GRID2: variants seen among roughly 807,000 people sequenced by gnomAD.
The protein encoded by GRID2 is glutamate receptor ionotropic, delta-2.
In GRID2, 33 loss-of-function variants were observed where a neutral mutation model predicts 114.8. That is an observed-to-expected ratio of 0.29 (90% CI 0.22 to 0.38). The LOEUF (loss-of-function observed/expected upper bound fraction) is 0.38. Among genes scored for constraint, GRID2 ranks in the 10% least tolerant of loss-of-function variants. The pLI is 1.00. For synonymous variants in GRID2, 505 were observed against 449.9 expected (o/e 1.12, Z -1.55); for missense variants, 1,184 against 1,257.7 (o/e 0.94, Z 0.89).
intron 1 of GRID2, among the ~76,000 whole-genome samples, chr4:92,458,604 C>T (rs979622587): frequency 6.6e-6 from 1 of 152,106 alleles, no homozygotes; most frequent in Non-Finnish European, 1.5e-5. Context: ...GAACAAACAA[C>T]AAATTTAAAA....
At chr4:93,739,702 T>A (rs1731213417) in intron 14 of GRID2, among the ~76,000 whole-genome samples, 1 of 152,100 alleles carries the variant, frequency 6.6e-6, no homozygotes, top group Non-Finnish European at 1.5e-5. Flanking sequence ...GTAACCAACT[T>A]CCTTCAGTAC....
In GRID2 at chr4:92,878,440, T is replaced by C. The variant is rs76569025; in HGVS notation, c.245-206555T>C. On this transcript the variant is annotated intron_variant, in intron 2 of 15. Transcript: ENST00000282020. Reference sequence around the variant, plus strand: ...TCTTATTGTTTGTTTAGAGTAATATTGGTGTCTGTTATTTGTTGATAAGTC... The same window carrying C: ...TCTTATTGTTTGTTTAGAGTAATATCGGTGTCTGTTATTTGTTGATAAGTC... Among the ~76,000 whole-genome samples, 1,264 of 152,240 alleles carry C rather than the reference T, an allele frequency of 8.3e-3. 18 individuals carry two copies. The highest frequency in any genetic ancestry group is 0.029 in the African/African-American group (1,200 of 41,560).
intron 2 of GRID2, among the ~76,000 whole-genome samples, chr4:92,733,316 C>T (rs189423512): frequency 2.0e-5 from 3 of 152,184 alleles, no homozygotes; most frequent in East Asian, 1.9e-4. Flanking sequence ...TTAACTGGAC[C>T]TTTAAAGCTT....
In GRID2 at chr4:93,494,555, G is replaced by T. The variant is rs114968514; in HGVS notation, c.1997+3778G>T. Among the ~76,000 whole-genome samples, 1,038 of 151,812 alleles carry T rather than the reference G, an allele frequency of 6.8e-3. 12 individuals carry two copies. The highest frequency in any genetic ancestry group is 0.024 in the African/African-American group (975 of 41,476). On this transcript the variant is annotated intron_variant, in intron 12 of 15. Transcript: ENST00000282020. ...TAACTGGCACTTGTTATTAATAAAA[G>T]TTTTGAAAGGGAATTTTCCCTGGAA...
At chr4:92,421,104 G>C (rs748847836) in intron 1 of GRID2, among the ~76,000 whole-genome samples, 25 of 151,994 alleles carry the variant, frequency 1.6e-4, no homozygotes, top group Middle Eastern at 3.4e-3. Context: ...CATATGGCTA[G>C]TTTCCAAATG....
intron 2 of GRID2, among the ~76,000 whole-genome samples, chr4:92,611,959 TC>T (rs1729769539): frequency 6.6e-6 from 1 of 151,562 alleles, no homozygotes; most frequent in East Asian, 1.9e-4. Flanking sequence ...CCCCCTATTT[TC>T]TTAGTGGAGT....
intron 2 of GRID2, among the ~76,000 whole-genome samples, chr4:92,894,809 G>A (rs965340180): frequency 6.6e-6 from 1 of 152,024 alleles, no homozygotes; most frequent in Non-Finnish European, 1.5e-5. Flanking sequence ...GTGGCCATAA[G>A]CCTGTTTCCC....
chr4:93,654,262 C>A (rs1722818043), intron 14 of GRID2, among the ~76,000 whole-genome samples: 1 of 152,108 alleles, frequency 6.6e-6, no homozygotes, highest in African/African-American at 2.4e-5. Flanking sequence ...GAAGCCCAGG[C>A]ACAAAGAGAA....
At chr4:92,657,303 ACTTT>A (rs1028821706) in intron 2 of GRID2, among the ~76,000 whole-genome samples, 3 of 150,746 alleles carry the variant, frequency 2.0e-5, no homozygotes, top group African/African-American at 7.4e-5. Flanking sequence ...CTGTCACTTT[ACTTT>A]CTTTATTATT....
intron 2 of GRID2, among the ~76,000 whole-genome samples, chr4:92,766,363 C>T (rs1738267025): frequency 6.6e-6 from 1 of 151,706 alleles, no homozygotes; most frequent in Non-Finnish European, 1.5e-5. Flanking sequence ...ATGGTGAAAC[C>T]CCGTCTCTAC....
intron 2 of GRID2, among the ~76,000 whole-genome samples, chr4:92,918,387 T>G (rs1228235705): frequency 6.6e-6 from 1 of 152,140 alleles, no homozygotes; most frequent in Non-Finnish European, 1.5e-5. Context: ...TCCAACACTA[T>G]GTTGAATAGG....
chr4:92,962,967 C>T (rs764824246), intron 2 of GRID2, among the ~76,000 whole-genome samples: 6 of 151,964 alleles, frequency 3.9e-5, no homozygotes, highest in Non-Finnish European at 8.8e-5. Context: ...ATAAAGCAAG[C>T]CACACATTTT....
intron 13 of GRID2, among the ~76,000 whole-genome samples, chr4:93,576,424 C>G (rs891066577): frequency 2.0e-5 from 3 of 152,104 alleles, no homozygotes; most frequent in African/African-American, 7.2e-5. Flanking sequence ...GATTAGACCA[C>G]AAAATGCTAC....
chr4:92,680,116 A>T (rs62310183), intron 2 of GRID2, among the ~76,000 whole-genome samples: 7,232 of 152,192 alleles, frequency 0.048, 221 homozygotes, highest in East Asian at 0.11. Flanking sequence ...AGAAGGTAAT[A>T]GAATAATGAA....
At chr4:92,304,782 C>A in intron 1 of GRID2, 38 bp downstream of exon 1, 2 of 1,380,248 alleles carry the variant, frequency 1.4e-6, no homozygotes, top group South Asian at 1.2e-5. Flanking sequence ...TTACTTTTAC[C>A]GTTTCAGTTC....
At chr4:93,463,850 G>T (rs902966024) in intron 11 of GRID2, among the ~76,000 whole-genome samples, 1 of 151,936 alleles carries the variant, frequency 6.6e-6, no homozygotes. Flanking sequence ...TTAGCCAGGC[G>T]TGGTGGCGGG....
intron 8 of GRID2, among the ~76,000 whole-genome samples, chr4:93,381,589 C>A (rs1763859767): frequency 6.6e-6 from 1 of 152,024 alleles, no homozygotes; most frequent in African/African-American, 2.4e-5. Flanking sequence ...ATAGCTATTA[C>A]ATTTAACATC....
At chr4:92,605,065 C>T (rs1306320277) in intron 2 of GRID2, among the ~76,000 whole-genome samples, 2 of 152,062 alleles carry the variant, frequency 1.3e-5, no homozygotes, top group African/African-American at 4.8e-5. Context: ...CTTGCTTCCC[C>T]TCCACCTTCT....
intron 2 of GRID2, among the ~76,000 whole-genome samples, chr4:92,897,985 C>G (rs898499804): frequency 6.6e-6 from 1 of 152,114 alleles, no homozygotes; most frequent in Non-Finnish European, 1.5e-5. Context: ...GTATCCAACA[C>G]TACATCTTCT....
Sources: gnomAD v4.1 joint callset for allele counts (sites outside exome capture counted in the v4.1 genomes callset) on GRCh38, gnomAD v4.1.1 for gene constraint, MANE v1.5 for transcripts, NCBI Gene and HGNC (gene_info 2026-07-23, HGNC 2026-07-21) for gene names.